ADGRE1: variants seen among roughly 807,000 people sequenced by gnomAD.
ADGRE1 encodes adhesion G protein-coupled receptor E1, also known as EGF-like module receptor 1.
In ADGRE1, 82 loss-of-function variants were observed where a neutral mutation model predicts 102.7. The ratio of observed to expected loss-of-function variants is 0.80; its 90% CI spans 0.67 to 0.96. ADGRE1 has a LOEUF of 0.96. ADGRE1 is among the 40% of genes least tolerant of loss of function. ADGRE1 has a pLI of 0.00. For missense variants in ADGRE1, 1,032 were observed against 1,085.3 expected (o/e 0.95, Z 0.69); for synonymous variants, 398 against 399.6 (o/e 1.00, Z 0.05).
Position 6,926,595 on chromosome 19 carries a change from A to G in ADGRE1, c.2216A>G (p.His739Arg), listed in dbSNP as rs1358146558. The change falls in exon 16 of 21, where the codon CAT becomes CGT. Residue 739 changes from histidine to arginine, a missense_variant. Transcript: ENST00000312053. Reference protein sequence around the residue: ...ASVQPQGYGMHNRCWLNTETG... With the variant: ...ASVQPQGYGMRNRCWLNTETG... The stretch of plus-strand genomic sequence containing the variant: ...GTGCAGCCACAGGGCTATGGAATGC[A>G]TAATCGGTGAGTGACATCCTCTCTC... The G allele has an allele frequency of 6.2e-7, 1 of 1,614,106 alleles. No homozygotes were observed. Among genetic ancestry groups the G allele is most frequent in the Non-Finnish European group, 8.5e-7 (1 of 1,180,020 alleles).
chr19:6,890,588 A>T lies in ADGRE1; in HGVS notation c.94+45A>T, dbSNP rs751842429. On this transcript the variant is annotated intron_variant, in intron 2 of 20. Transcript: ENST00000312053. ...TGCAGATGCCTGAAGGGGTAGAGAA[A>T]GTTTTCTCCCCGGGGAAACATCCCA... The T allele has an allele frequency of 3.1e-6, 5 of 1,588,240 alleles. No homozygotes were observed. In the African/African-American group the frequency reaches 6.8e-5, roughly 22 times the overall value.
At chr19:6,925,728 G>C (rs1364806784) in intron 15 of ADGRE1, among the ~76,000 whole-genome samples, 1 of 151,050 alleles carries the variant, frequency 6.6e-6, no homozygotes, top group African/African-American at 2.4e-5. Flanking sequence ...TTGAGACAGG[G>C]TCTTGCTATG....
At chr19:6,937,143 C>T in intron 18 of ADGRE1, 100 bp from the exon 19 acceptor site, 1 of 1,382,114 alleles carries the variant, frequency 7.2e-7, no homozygotes, top group Non-Finnish European at 9.9e-7. Context: ...ACCTAGGTGG[C>T]AAATTGGAGA....
At position 6,904,093 on chromosome 19, in the gene ADGRE1, A is replaced by G. The variant is rs754787602; in HGVS notation, c.860A>G (p.Asn287Ser). 9.3e-6 allele frequency: 15 copies of G among 1,614,108 alleles called. No individual in the cohort carries two copies. Among genetic ancestry groups the G allele is most frequent in the Admixed American group, 3.3e-5 (2 of 59,996 alleles). Residue 287 changes from asparagine (N) to serine (S), a missense_variant, in exon 8 of 21, where the codon AAT becomes AGT. Physicochemically the swap from Asn to Ser is conservative, Grantham distance 46. Transcript: ENST00000312053. The part of the protein sequence containing the change: ...STCGPNSICT[N>S]ALGSYSCGCI... The stretch of plus-strand genomic sequence containing the variant: ...TGTGGTCCTAATTCTATCTGCACCA[A>G]TGCCCTGGGCTCCTACAGCTGTGGC...
chr19:6,920,416 TC>T (rs1236329989), intron 13 of ADGRE1, among the ~76,000 whole-genome samples: 1 of 151,396 alleles, frequency 6.6e-6, no homozygotes, highest in East Asian at 1.9e-4. Context: ...AGACGGGGTT[TC>T]ACCATGTTAG....
chr19:6,914,828 T>C (rs963895601), intron 11 of ADGRE1, among the ~76,000 whole-genome samples: 2 of 152,008 alleles, frequency 1.3e-5, no homozygotes, highest in African/African-American at 2.4e-5. Flanking sequence ...GTAAGTCTCA[T>C]TGGGGCAGGG....
chr19:6,905,944 A>G (rs1008786610), intron 8 of ADGRE1, among the ~76,000 whole-genome samples: 4 of 152,048 alleles, frequency 2.6e-5, no homozygotes, highest in African/African-American at 9.7e-5. Context: ...TTATTTCCCT[A>G]CTTAAAAAAA....
At chr19:6,907,891 T>C (rs1974026855) in intron 9 of ADGRE1, among the ~76,000 whole-genome samples, 1 of 152,224 alleles carries the variant, frequency 6.6e-6, no homozygotes, top group African/African-American at 2.4e-5. Context: ...ATATTCCACA[T>C]GGACCACTGT....
intron 8 of ADGRE1, among the ~76,000 whole-genome samples, chr19:6,904,582 T>C (rs1316069447): frequency 6.6e-6 from 1 of 151,390 alleles, no homozygotes; most frequent in Non-Finnish European, 1.5e-5. Flanking sequence ...CTTGGCTCAC[T>C]GCAAGCTCCA....
chr19:6,904,208 C>T (rs376311197), intron 8 of ADGRE1, 26 bp downstream of exon 8: 1 of 1,608,738 alleles, frequency 6.2e-7, no homozygotes. Flanking sequence ...TATGTCTTGG[C>T]AATGGAATCT....
intron 11 of ADGRE1, among the ~76,000 whole-genome samples, chr19:6,914,168 C>G (rs945533904): frequency 6.6e-6 from 1 of 152,202 alleles, no homozygotes; most frequent in African/African-American, 2.4e-5. Context: ...TACTTCCTGG[C>G]TACTGTGTGG....
chr19:6,926,868 G>A lies in ADGRE1; in HGVS notation c.2222+267G>A, dbSNP rs115199704. 7.0e-3 allele frequency among the ~76,000 whole-genome samples: 1,057 copies of A among 151,662 alleles called. 6 individuals are homozygous for A. The highest frequency in any genetic ancestry group is 9.0e-3 in the African/African-American group (371 of 41,324). On this transcript the variant is annotated intron_variant, in intron 16 of 20. Transcript: ENST00000312053. ...AACTTGATTATTTTCCTTTTCTTGC[G>A]TGTATGACATGGGGGGTGGTGGGGG... is the stretch of plus-strand genomic sequence containing the variant.
intron 12 of ADGRE1, among the ~76,000 whole-genome samples, chr19:6,918,068 G>C (rs146826303): frequency 6.6e-6 from 1 of 152,124 alleles, no homozygotes; most frequent in Non-Finnish European, 1.5e-5. Flanking sequence ...TCTGTTTTGC[G>C]GGGAGAAGAA....
chr19:6,904,654 C>T (rs377233930), intron 8 of ADGRE1, among the ~76,000 whole-genome samples: 366 of 151,882 alleles, frequency 2.4e-3, no homozygotes, highest in African/African-American at 7.9e-3. Context: ...TACAGGCGCC[C>T]GCCACCACGC....
chr19:6,929,944 C>G (rs938266307), intron 17 of ADGRE1, among the ~76,000 whole-genome samples: 1 of 152,178 alleles, frequency 6.6e-6, no homozygotes, highest in Non-Finnish European at 1.5e-5. Context: ...TGCGCCCAGC[C>G]AGAGCTGCCA....
chr19:6,935,551 A>G (rs1975368660), intron 18 of ADGRE1, among the ~76,000 whole-genome samples: 1 of 152,132 alleles, frequency 6.6e-6, no homozygotes, highest in Non-Finnish European at 1.5e-5. Flanking sequence ...ATTCTACAAT[A>G]TGGTGTAAAT....
At chr19:6,898,631 A>G in intron 5 of ADGRE1, 2 of 1,428,402 alleles carry the variant, frequency 1.4e-6, no homozygotes, top group South Asian at 2.4e-5. Flanking sequence ...GAGCATTCTG[A>G]CTGTGTCAAC....
intron 2 of ADGRE1, among the ~76,000 whole-genome samples, chr19:6,891,813 A>C (rs149938596): frequency 2.6e-4 from 39 of 152,196 alleles, no homozygotes; most frequent in Non-Finnish European, 3.8e-4. Flanking sequence ...CAAGGAAGTG[A>C]TGTTCCAGTG....
At chr19:6,932,889 A>T (rs560398827) in intron 17 of ADGRE1, among the ~76,000 whole-genome samples, 1 of 152,332 alleles carries the variant, frequency 6.6e-6, no homozygotes, top group African/African-American at 2.4e-5. Context: ...CCAAGAGTGC[A>T]GTAAATATTA....
Sources: allele counts gnomAD v4.1 joint callset (sites outside exome capture counted in the v4.1 genomes callset), GRCh38; gene constraint gnomAD v4.1.1; transcripts MANE v1.5; gene names NCBI Gene and HGNC (gene_info 2026-07-23, HGNC 2026-07-21).